The following HMBOX1 variants were observed in gnomAD, a reference collection of about 807,000 sequenced individuals.
HMBOX1 encodes the protein homeobox-containing protein 1.
HMBOX1 carries 14 observed loss-of-function variants against 54.5 expected under a neutral mutation model. That is an observed-to-expected ratio of 0.26 (90% CI 0.17 to 0.40). The LOEUF is 0.40. Ranked by LOEUF, HMBOX1 falls within the 10% of genes least tolerant of loss-of-function variation. The pLI is 1.00. For synonymous variants in HMBOX1, 160 were observed against 181.0 expected, an observed-to-expected ratio of 0.88 and a Z score of 0.93; for missense variants, 332 against 514.4, an observed-to-expected ratio of 0.65 and a Z score of 3.43.
chr8:28,918,688 A>G (rs1263824575), intron 1 of HMBOX1, among the ~76,000 whole-genome samples: 1 of 152,172 alleles, frequency 6.6e-6, no homozygotes, highest in East Asian at 1.9e-4. Flanking sequence ...GCTGTATTTG[A>G]GTTTATAAAC....
At chr8:28,918,997 G>A (rs1163054097) in intron 1 of HMBOX1, among the ~76,000 whole-genome samples, 1 of 152,162 alleles carries the variant, frequency 6.6e-6, no homozygotes, top group East Asian at 1.9e-4. Flanking sequence ...AAAAATTAGG[G>A]AATTAGAAAA....
chr8:29,039,325 C>T (rs1169516071), intron 6 of HMBOX1, among the ~76,000 whole-genome samples: 4 of 152,046 alleles, frequency 2.6e-5, no homozygotes, highest in Non-Finnish European at 2.9e-5. Context: ...ATCTATTTCC[C>T]GACTTCGTTG....
intron 5 of HMBOX1, chr8:29,010,107 G>C: frequency 1.0e-6 from 1 of 979,966 alleles, no homozygotes; most frequent in Non-Finnish European, 1.2e-6. Context: ...AATCCGAATG[G>C]TCCAGGCAGG....
intron 1 of HMBOX1, among the ~76,000 whole-genome samples, chr8:28,898,187 C>A (rs1479647209): frequency 6.6e-6 from 1 of 152,054 alleles, no homozygotes; most frequent in African/African-American, 2.4e-5. Context: ...TGATTTTTGT[C>A]TTCTCTGGGT....
At chr8:29,009,042 C>A (rs1833858874) in intron 4 of HMBOX1, 30 bp from the exon 5 acceptor site, 1 of 1,512,064 alleles carries the variant, frequency 6.6e-7, no homozygotes, top group Non-Finnish European at 9.2e-7. Flanking sequence ...ATTTCAGTGC[C>A]CCCCAAAACC....
chr8:28,972,235 C>T (rs979460465), intron 3 of HMBOX1, among the ~76,000 whole-genome samples: 21 of 152,054 alleles, frequency 1.4e-4, no homozygotes, highest in Non-Finnish European at 2.6e-4. Context: ...TTTTTTGAGA[C>T]GGAGTCTTGC....
chr8:28,958,967 A>C (rs1236777884), intron 1 of HMBOX1, among the ~76,000 whole-genome samples: 2 of 152,162 alleles, frequency 1.3e-5, no homozygotes, highest in Admixed American at 1.3e-4. Flanking sequence ...ATAGTGGTAT[A>C]CAATGGACCC....
intron 3 of HMBOX1, among the ~76,000 whole-genome samples, chr8:28,977,820 T>G (rs950670996): frequency 6.6e-6 from 1 of 151,252 alleles, no homozygotes; most frequent in African/African-American, 2.4e-5. Context: ...GGCGGGCGCC[T>G]GTAGTCCCAG....
intron 1 of HMBOX1, among the ~76,000 whole-genome samples, chr8:28,907,615 A>G (rs1015750493): frequency 6.6e-6 from 1 of 152,186 alleles, no homozygotes; most frequent in Non-Finnish European, 1.5e-5. Context: ...TATGTGTCTT[A>G]AGAGGCCTAC....
intron 1 of HMBOX1, among the ~76,000 whole-genome samples, chr8:28,954,821 T>C (rs1824116174): frequency 6.6e-6 from 1 of 152,188 alleles, no homozygotes; most frequent in African/African-American, 2.4e-5. Flanking sequence ...AGAAGGACTT[T>C]GGGGTGGGAG....
At chr8:28,966,289 G>A (rs145170574) in intron 2 of HMBOX1, among the ~76,000 whole-genome samples, 1 of 152,268 alleles carries the variant, frequency 6.6e-6, no homozygotes, top group Non-Finnish European at 1.5e-5. Flanking sequence ...TAGAATATCA[G>A]TTTATGAACT....
intron 3 of HMBOX1, among the ~76,000 whole-genome samples, chr8:28,972,706 G>A (rs1206265978): frequency 1.3e-5 from 2 of 152,080 alleles, no homozygotes; most frequent in African/African-American, 2.4e-5. Flanking sequence ...AAGAAGTATG[G>A]GAAAACTTGT....
At chr8:28,913,087 T>A (rs1452103689) in intron 1 of HMBOX1, among the ~76,000 whole-genome samples, 1 of 152,180 alleles carries the variant, frequency 6.6e-6, no homozygotes, top group Non-Finnish European at 1.5e-5. Flanking sequence ...ATAGTCACCC[T>A]GATCCAAGTC....
intron 1 of HMBOX1, among the ~76,000 whole-genome samples, chr8:28,928,176 C>T (rs1410136801): frequency 6.6e-6 from 1 of 151,800 alleles, no homozygotes; most frequent in African/African-American, 2.4e-5. Context: ...AACAACTGTT[C>T]TAAAGTAAAG....
intron 1 of HMBOX1, among the ~76,000 whole-genome samples, chr8:28,958,974 A>AC (rs977627034): frequency 2.0e-5 from 3 of 151,378 alleles, no homozygotes; most frequent in South Asian, 2.1e-4. Flanking sequence ...TATACAATGG[A>AC]CCCCCCTTAT....
chr8:28,939,012 A>G (rs1214534065), intron 1 of HMBOX1, among the ~76,000 whole-genome samples: 1 of 152,094 alleles, frequency 6.6e-6, no homozygotes, highest in African/African-American at 2.4e-5. Context: ...AAAAGAAGCC[A>G]GGTGTGGTGG....
intron 1 of HMBOX1, among the ~76,000 whole-genome samples, chr8:28,962,351 C>A (rs183074510): frequency 6.6e-6 from 1 of 152,246 alleles, no homozygotes; most frequent in Admixed American, 6.5e-5. Context: ...ATCTGTTTTC[C>A]TGTCTGTGAA....
chr8:28,924,093 A>G (rs1040806497), intron 1 of HMBOX1, among the ~76,000 whole-genome samples: 3 of 150,114 alleles, frequency 2.0e-5, no homozygotes, highest in African/African-American at 7.3e-5. Context: ...TGGCCTTTGG[A>G]CATAAGTGTT....
In HMBOX1 at chr8:29,008,468, T is replaced by C. The variant is rs17059599; in HGVS notation, c.587-604T>C. ...TGTTGAGATTTCTTAAGAGGTCATA[T>C]TGTAGCATACATAACTCTAAAAGTC... On this transcript the variant is annotated intron_variant, in intron 4 of 9. Transcript: ENST00000287701. 3.5e-3 allele frequency among the ~76,000 whole-genome samples: 535 copies of C among 152,318 alleles called. 4 individuals are homozygous for C. The highest frequency in any genetic ancestry group is 0.012 in the African/African-American group (479 of 41,566).
Sources: gnomAD v4.1 joint callset for allele counts (sites outside exome capture counted in the v4.1 genomes callset) on GRCh38, gnomAD v4.1.1 for gene constraint, MANE v1.5 for transcripts, NCBI Gene and HGNC (gene_info 2026-07-23, HGNC 2026-07-21) for gene names.